USP6NL: variants seen among roughly 807,000 people sequenced by gnomAD.
USP6NL encodes USP6 N-terminal like, also known as USP6 N-terminal-like protein.
Under a neutral mutation model 61.9 loss-of-function variants are expected in USP6NL, and 26 were observed. The ratio of observed to expected loss-of-function variants is 0.42; its 90% CI spans 0.31 to 0.58. The LOEUF is 0.58. Among genes scored for constraint, USP6NL ranks in the 20% least tolerant of loss-of-function variants. USP6NL has a pLI of 0.16. For synonymous variants in USP6NL, 432 were observed against 390.1 expected (o/e 1.11, Z -1.27); for missense variants, 1,114 against 1,034.3 (o/e 1.08, Z -1.06).
intron 5 of USP6NL, among the ~76,000 whole-genome samples, chr10:11,512,543 C>T: frequency 6.6e-6 from 1 of 152,198 alleles, no homozygotes; most frequent in East Asian, 1.9e-4. Flanking sequence ...AAGTAAAGTT[C>T]AAATTTCTTA....
chr10:11,569,393 G>A (rs1462244527), intron 2 of USP6NL, among the ~76,000 whole-genome samples: 1 of 152,154 alleles, frequency 6.6e-6, no homozygotes, highest in African/African-American at 2.4e-5. Flanking sequence ...GAAACGTTCA[G>A]TAAGTCAAAT....
At chr10:11,610,935 G>C (rs531136228) in intron 1 of USP6NL, among the ~76,000 whole-genome samples, 35 of 152,150 alleles carry the variant, frequency 2.3e-4, no homozygotes, top group African/African-American at 7.0e-4. Context: ...AAACTATTTT[G>C]CAAACTTTGC....
intron 6 of USP6NL, among the ~76,000 whole-genome samples, chr10:11,501,744 T>C (rs1834206209): frequency 2.6e-5 from 4 of 152,186 alleles, no homozygotes. Context: ...AAAACTCCAG[T>C]TAATCCTACT....
chr10:11,557,758 A>C (rs1223009873), intron 2 of USP6NL, among the ~76,000 whole-genome samples: 1 of 152,212 alleles, frequency 6.6e-6, no homozygotes, highest in Admixed American at 6.5e-5. Flanking sequence ...GGCAGTGCAC[A>C]CATGGCATAC....
chr10:11,478,848 C>G lies in USP6NL; in HGVS notation c.1078+2922G>C, dbSNP rs4750064. ...TTGAGCCGGGGAGGTCAAGGCTGCA[C>G]TGAGCCATGATTGAGCCATCACACT... On this transcript the variant is annotated intron_variant, in intron 14 of 14. Transcript: ENST00000609104. This position sits in a 1 kb window ranked among gnomAD's most constrained non-coding sequence, Gnocchi z 6.8. 0.56 allele frequency among the ~76,000 whole-genome samples: 85,232 copies of G among 151,364 alleles called. 24,385 individuals carry two copies. The highest frequency in any genetic ancestry group is 0.85 in the East Asian group (4,380 of 5,162).
At position 11,468,623 on chromosome 10, in the gene USP6NL, A is replaced by G. The variant is rs1832584762; in HGVS notation, c.1079-4774T>C. ...AAACACCAGTGTGGTGCAGGAAACAATAAACTGTAGCGTGGGAGTGGAGGG... is the reference window on the plus strand; with the variant it reads ...AAACACCAGTGTGGTGCAGGAAACAGTAAACTGTAGCGTGGGAGTGGAGGG... On this transcript the variant is annotated intron_variant, in intron 14 of 14. Transcript: ENST00000609104. The surrounding 1 kb of genome is among the most constrained non-coding windows in gnomAD (Gnocchi z 4.5). Among the ~76,000 whole-genome samples, 1 of 152,246 alleles carries G rather than the reference A, an allele frequency of 6.6e-6. No homozygotes were observed. The highest frequency in any genetic ancestry group is 3.2e-3 in the Middle Eastern group (1 of 316).
Position 11,468,237 on chromosome 10 carries a change from A to G in USP6NL, c.1079-4388T>C, listed in dbSNP as rs921782733. Among the ~76,000 whole-genome samples the G allele has an allele frequency of 1.3e-5, 2 of 152,084 alleles. No individual in the cohort carries two copies. The highest frequency in any genetic ancestry group is 2.9e-5 in the Non-Finnish European group (2 of 68,014). ...AATCCTCTGTAAAAAGTGGAACTACATTTTTCTTATCGCTGCCCTTCAAAC... is the reference window on the plus strand; with the variant it reads ...AATCCTCTGTAAAAAGTGGAACTACGTTTTTCTTATCGCTGCCCTTCAAAC... On this transcript the variant is annotated intron_variant, in intron 14 of 14. Transcript: ENST00000609104. The surrounding 1 kb of genome is among the most constrained non-coding windows in gnomAD (Gnocchi z 4.5).
At chr10:11,546,368 T>C (rs1836270756) in intron 2 of USP6NL, among the ~76,000 whole-genome samples, 1 of 152,210 alleles carries the variant, frequency 6.6e-6, no homozygotes, top group African/African-American at 2.4e-5. Context: ...TCTTTGTTTA[T>C]TGTAATATTA....
chr10:11,519,193 T>TGCCA (rs1466937225), intron 4 of USP6NL, among the ~76,000 whole-genome samples: 3 of 152,174 alleles, frequency 2.0e-5, no homozygotes, highest in African/African-American at 2.4e-5. Flanking sequence ...GGCCCCAGCT[T>TGCCA]GCCACCCTCT....
intron 2 of USP6NL, chr10:11,564,343 T>C (rs1462241668): frequency 1.3e-5 from 2 of 152,252 alleles, no homozygotes; most frequent in Non-Finnish European, 2.9e-5. Flanking sequence ...CTAATTGCTC[T>C]CTAGAGAAGA....
At position 11,525,060 on chromosome 10, in the gene USP6NL, C is replaced by T. The variant is rs1835363408; in HGVS notation, c.155+326G>A. ...CGAATTGCTATTTATTTTTAAAATG[C>T]GCTGGTACAGAATGAAATGTTTTAT... On this transcript the variant is annotated intron_variant, in intron 4 of 14. Transcript: ENST00000609104. The surrounding 1 kb of genome is among the most constrained non-coding windows in gnomAD (Gnocchi z 5.0). 2.0e-5 allele frequency among the ~76,000 whole-genome samples: 3 copies of T among 152,034 alleles called. No individual in the cohort carries two copies. Among genetic ancestry groups the T allele is most frequent in the Non-Finnish European group, 1.5e-5 (1 of 68,002 alleles).
chr10:11,542,983 A>T (rs2133459101), intron 2 of USP6NL, among the ~76,000 whole-genome samples: 1 of 152,336 alleles, frequency 6.6e-6, no homozygotes, highest in South Asian at 2.1e-4. Flanking sequence ...ATAGGAAAAC[A>T]AGAAAAATAT....
At chr10:11,512,875 G>C (rs150843799) in intron 5 of USP6NL, among the ~76,000 whole-genome samples, 1 of 152,276 alleles carries the variant, frequency 6.6e-6, no homozygotes, top group Non-Finnish European at 1.5e-5. Flanking sequence ...GATGACCTGG[G>C]TTCAAATCTG....
rs527998499 is a variant in USP6NL, at chr10:11,511,836, C to T, written c.196-2161G>A. Among the ~76,000 whole-genome samples, 2,184 of 151,924 alleles carry T rather than the reference C, an allele frequency of 0.014. 26 individuals are homozygous for T. The highest frequency in any genetic ancestry group is 0.022 in the Non-Finnish European group (1,497 of 67,936). On this transcript the variant is annotated intron_variant, in intron 5 of 14. Coordinates refer to ENST00000609104, the MANE Select transcript of USP6NL (RefSeq NM_014688.5). This position sits in a 1 kb window ranked among gnomAD's most constrained non-coding sequence, Gnocchi z 4.9. ...TAAAATAATATATATTATACACACA[C>T]ACACACACACACACCCCTTGGGAAG...
At position 11,531,046 on chromosome 10, in the gene USP6NL, G is replaced by C. The variant is rs952784239; in HGVS notation, c.5-3479C>G. On this transcript the variant is annotated intron_variant, in intron 2 of 14. Coordinates refer to ENST00000609104, the MANE Select transcript of USP6NL (RefSeq NM_014688.5). ...GGCACCTATAAACAACGGCAGCTGT[G>C]TTGGTTGGTACTTATGTCACATCAT... Among the ~76,000 whole-genome samples, 18 of 152,304 alleles carry C rather than the reference G, an allele frequency of 1.2e-4. No homozygotes were observed. In the South Asian group the frequency reaches 3.5e-3, roughly 30 times the overall value.
At chr10:11,583,355 AT>A (rs202083504) in intron 2 of USP6NL, among the ~76,000 whole-genome samples, 1 of 150,784 alleles carries the variant, frequency 6.6e-6, no homozygotes, top group African/African-American at 2.4e-5. Flanking sequence ...GGCCGGCTAA[AT>A]TTTTTTTTGT....
At chr10:11,484,132 T>G (rs1006137725) in intron 13 of USP6NL, among the ~76,000 whole-genome samples, 3 of 152,080 alleles carry the variant, frequency 2.0e-5, no homozygotes, top group Non-Finnish European at 4.4e-5. Context: ...CCTAAGAGAG[T>G]TGAGTGCACA....
At position 11,495,216 on chromosome 10, in the gene USP6NL, A is replaced by G. The variant is rs1833869515; in HGVS notation, c.385-1988T>C. Reference sequence around the variant, plus strand: ...GTGTCCCCTCAGCTCCTATCTCTGTATGGCCTGGTTTTTCCTAGGTTATGA... The same window carrying G: ...GTGTCCCCTCAGCTCCTATCTCTGTGTGGCCTGGTTTTTCCTAGGTTATGA... On this transcript the variant is annotated intron_variant, in intron 7 of 14. Coordinates refer to ENST00000609104, the MANE Select transcript of USP6NL (RefSeq NM_014688.5). This position sits in a 1 kb window ranked among gnomAD's most constrained non-coding sequence, Gnocchi z 4.6. Among the ~76,000 whole-genome samples, 1 of 152,176 alleles carries G rather than the reference A, an allele frequency of 6.6e-6. No individual in the cohort carries two copies. The highest frequency in any genetic ancestry group is 2.4e-5 in the African/African-American group (1 of 41,442).
At chr10:11,466,708 C>G (rs567774422) in intron 14 of USP6NL, among the ~76,000 whole-genome samples, 2 of 152,284 alleles carry the variant, frequency 1.3e-5, no homozygotes, top group South Asian at 2.1e-4. Context: ...GTGTGAACAT[C>G]AGAGTGCACT....
Sources: gnomAD v4.1 joint callset for allele counts (sites outside exome capture counted in the v4.1 genomes callset) on GRCh38, gnomAD v4.1.1 for gene constraint, Gnocchi (gnomAD v3.1) non-coding constraint, MANE v1.5 for transcripts, NCBI Gene and HGNC (gene_info 2026-07-23, HGNC 2026-07-21) for gene names.